ACOX1: variants seen among roughly 807,000 people sequenced by gnomAD.
The protein encoded by ACOX1 is peroxisomal acyl-coenzyme A oxidase 1.
In ACOX1, 41 loss-of-function variants were observed where a neutral mutation model predicts 75.5. That is an observed-to-expected ratio of 0.54 (90% CI 0.42 to 0.70). The LOEUF (loss-of-function observed/expected upper bound fraction) is 0.70. Among genes scored for constraint, ACOX1 ranks in the 30% least tolerant of loss-of-function variants. The probability of loss-of-function intolerance (pLI) is 0.00; values close to 1 mark genes in which losing one functional copy is unlikely to be tolerated. For missense variants in ACOX1, 630 were observed against 837.5 expected (o/e 0.75, Z 3.06); for synonymous variants, 303 against 298.8 (o/e 1.01, Z -0.15).
chr17:75,965,805 C>G (rs1409193925), intron 2 of ACOX1, among the ~76,000 whole-genome samples: 3 of 151,836 alleles, frequency 2.0e-5, no homozygotes, highest in Non-Finnish European at 4.4e-5. Context: ...TGCACTCCAG[C>G]CTGGGCAGCA....
Position 75,946,632 on chromosome 17 carries a change from A to C in ACOX1, c.*116T>G, listed in dbSNP as rs1196818814. The C allele has an allele frequency of 2.3e-6, 2 of 859,504 alleles. No homozygotes were observed. Among genetic ancestry groups the C allele is most frequent in the Non-Finnish European group, 3.8e-6 (2 of 522,590 alleles). 53.2% of individuals were successfully genotyped at this position (859,504 alleles called of 1,614,324 possible). A position where few individuals can be genotyped will look rare whatever the true frequency, so the allele number is the denominator to read the frequency against. ...TGTTCATTTTTTCCCTCCATTTATAAAAAGGGGTCAATTTATCATTTGCTC... is the reference window on the plus strand; with the variant it reads ...TGTTCATTTTTTCCCTCCATTTATACAAAGGGGTCAATTTATCATTTGCTC... On this transcript the variant is annotated 3_prime_UTR_variant, in exon 14 of 14. Coordinates refer to ENST00000293217, the MANE Select transcript of ACOX1 (RefSeq NM_004035.7).
In ACOX1 at chr17:75,979,110, G is replaced by A; in HGVS notation, c.-37C>T. On this transcript the variant is annotated 5_prime_UTR_variant, in exon 1 of 14. Transcript: ENST00000293217. ...GCTGGCAGCGAAGTAAGCACCGACC[G>A]AGGTGGCAGTGACAATCTAAATCCG... is the stretch of plus-strand genomic sequence containing the variant. The A allele has an allele frequency of 1.2e-6, 2 of 1,606,592 alleles. No individual in the cohort carries two copies. The highest frequency in any genetic ancestry group is 1.7e-6 in the Non-Finnish European group (2 of 1,179,776).
At chr17:75,965,337 C>CAAAAAAAAAACAAAAAAAAAA (rs2065921427) in intron 2 of ACOX1, among the ~76,000 whole-genome samples, 1 of 81,702 alleles carries the variant, frequency 1.2e-5, no homozygotes, top group Non-Finnish European at 2.6e-5. Flanking sequence ...GACTCTGTCT[C>CAAAAAAAAAACAAAAAAAAAA]AAAAAAAAAA....
In ACOX1 at chr17:75,978,730, A is replaced by G. The variant is rs2066083260; in HGVS notation, c.110-37T>C. 8 of 1,611,738 alleles carry G rather than the reference A, an allele frequency of 5.0e-6. No homozygotes were observed. The highest frequency in any genetic ancestry group is 6.8e-6 in the Non-Finnish European group (8 of 1,179,940). ...TTAAAGGGCATTAAAAGGCAGACAG[A>G]CACTCGGGCCTCCGTTCCACCCTCC... On this transcript the variant is annotated intron_variant, in intron 1 of 13. Transcript: ENST00000293217. The surrounding 1 kb of genome is among the most constrained non-coding windows in gnomAD (Gnocchi z 4.2).
Position 75,950,336 on chromosome 17 carries a change from C to G in ACOX1, c.1298+438G>C, listed in dbSNP as rs564940320. 6.6e-6 allele frequency among the ~76,000 whole-genome samples: 1 copy of G among 151,662 alleles called. No homozygotes were observed. Among genetic ancestry groups the G allele is most frequent in the Admixed American group, 6.6e-5 (1 of 15,222 alleles). On this transcript the variant is annotated intron_variant, in intron 9 of 13. Coordinates refer to ENST00000293217, the MANE Select transcript of ACOX1 (RefSeq NM_004035.7). This position sits in a 1 kb window ranked among gnomAD's most constrained non-coding sequence, Gnocchi z 4.3. ...TCTTGGCTCACTGCAACCTCCGCTT[C>G]CCAGGTTCAAGCGATTCTTCTGCCT... is the stretch of plus-strand genomic sequence containing the variant.
chr17:75,958,140 G>A (rs921896282), intron 3 of ACOX1, among the ~76,000 whole-genome samples: 1 of 151,878 alleles, frequency 6.6e-6, no homozygotes, highest in Non-Finnish European at 1.5e-5. Flanking sequence ...GGATCACGAG[G>A]TCAGGAGATC....
chr17:75,950,683 C>T lies in ACOX1; in HGVS notation c.1298+91G>A, dbSNP rs371899817. ...CCTTTCAGGAACAAATATATATATA[C>T]GGTGAAGAAAAACCATGGGAACAAG... On this transcript the variant is annotated intron_variant, in intron 9 of 13. Transcript: ENST00000293217. The surrounding 1 kb of genome is among the most constrained non-coding windows in gnomAD (Gnocchi z 4.3). The T allele has an allele frequency of 1.7e-4, 234 of 1,360,146 alleles. 1 individual carries two copies. The highest frequency in any genetic ancestry group is 4.9e-4 in the Admixed American group (28 of 57,646). The allele number at this position is 1,360,146 out of a possible 1,614,324, so 84.3% of individuals were successfully genotyped here. A position where few individuals can be genotyped will look rare whatever the true frequency, so the allele number is the denominator to read the frequency against.
rs77139740 is a variant in ACOX1 at position 75,949,559 on chromosome 17, A to G, written c.1520T>C (p.Ile507Thr). 1,821 of 1,614,186 alleles carry G rather than the reference A, an allele frequency of 1.1e-3. 20 individuals carry two copies. The African/African-American group carries it at 0.023, about 20-fold the overall frequency. The change falls in exon 11 of 14, where the codon ATT (isoleucine) becomes ACT (threonine). Residue 507 changes from isoleucine (I) to threonine (T), a missense_variant. Coordinates refer to ENST00000293217, the MANE Select transcript of ACOX1 (RefSeq NM_004035.7). Reference protein sequence around the residue: ...IAAKNLQKEVIHRKSKEVAWN... With the variant: ...IAAKNLQKEVTHRKSKEVAWN... ...AGCTACCTCCTTGCTTTTTCTGTGA[A>G]TCACTTCTTTTTGAAGGTTTTTTGC...
At chr17:75,974,039 G>A (rs1025335887) in intron 2 of ACOX1, among the ~76,000 whole-genome samples, 2 of 152,054 alleles carry the variant, frequency 1.3e-5, no homozygotes, top group Non-Finnish European at 2.9e-5. Flanking sequence ...AATCCACTAA[G>A]CAAATTCTAC....
At chr17:75,959,510 A>G (rs1274489683) in intron 3 of ACOX1, among the ~76,000 whole-genome samples, 1 of 152,190 alleles carries the variant, frequency 6.6e-6, no homozygotes, top group Non-Finnish European at 1.5e-5. Context: ...GAGAAGCCAT[A>G]AGCAAATGAA....
chr17:75,955,433 G>T, intron 6 of ACOX1, 133 bp downstream of exon 6: 1 of 794,666 alleles, frequency 1.3e-6, no homozygotes, highest in Non-Finnish European at 2.1e-6. Flanking sequence ...AAAGTGCTGG[G>T]ATAACAGGAA....
chr17:75,954,287 G>A lies in ACOX1; in HGVS notation c.775-667C>T, dbSNP rs558073411. Among the ~76,000 whole-genome samples the A allele has an allele frequency of 5.3e-5, 8 of 150,706 alleles. No homozygotes were observed. In the South Asian group the frequency reaches 1.5e-3, roughly 28 times the overall value. The stretch of plus-strand genomic sequence containing the variant: ...TGTAATCCTAGCACTTTGGGAGGCC[G>A]AGGCAAGAGGGTCCCCTGAGGTCAG... On this transcript the variant is annotated intron_variant, in intron 6 of 13. Transcript: ENST00000293217.
chr17:75,967,739 T>C (rs2065952023), intron 2 of ACOX1, among the ~76,000 whole-genome samples: 1 of 137,526 alleles, frequency 7.3e-6, no homozygotes, highest in Non-Finnish European at 1.6e-5. Context: ...TATATACACG[T>C]ATATATATAT....
chr17:75,973,922 G>C, intron 2 of ACOX1: 1 of 860,104 alleles, frequency 1.2e-6, no homozygotes, highest in Non-Finnish European at 1.8e-6. Context: ...TTAAATATAA[G>C]ATTTACCATT....
At position 75,960,609 on chromosome 17, in the gene ACOX1, C is replaced by T. The variant is rs1320427084; in HGVS notation, c.270-234G>A. 6.6e-6 allele frequency among the ~76,000 whole-genome samples: 1 copy of T among 152,136 alleles called. No individual in the cohort carries two copies. The highest frequency in any genetic ancestry group is 2.4e-5 in the African/African-American group (1 of 41,422). On this transcript the variant is annotated intron_variant, in intron 2 of 13. Coordinates refer to ENST00000293217, the MANE Select transcript of ACOX1 (RefSeq NM_004035.7). This position sits in a 1 kb window ranked among gnomAD's most constrained non-coding sequence, Gnocchi z 4.4. ...CGAGGACAGGGATTGGTTACTGATT[C>T]CAAAGCCAATGCAGCACAAAACCAC...
chr17:75,948,687 T>G (rs2065744996), intron 12 of ACOX1, among the ~76,000 whole-genome samples: 1 of 151,918 alleles, frequency 6.6e-6, no homozygotes, highest in Non-Finnish European at 1.5e-5. Context: ...CCCAAATAGC[T>G]GGAATTACAG....
intron 3 of ACOX1, among the ~76,000 whole-genome samples, chr17:75,959,043 A>G (rs1371179136): frequency 6.6e-6 from 1 of 152,176 alleles, no homozygotes; most frequent in Non-Finnish European, 1.5e-5. Flanking sequence ...ACACAAATAT[A>G]TCAAAATTAT....
chr17:75,955,662 G>T lies in ACOX1; in HGVS notation c.678C>A (p.Ile226=), dbSNP rs574074846. 6.2e-7 allele frequency: 1 copy of T among 1,613,968 alleles called. No homozygotes were observed. The highest frequency in any genetic ancestry group is 2.2e-5 in the East Asian group (1 of 44,892). The change falls in exon 6 of 14, where the codon ATC becomes ATA. Residue 226 remains isoleucine (I), a synonymous_variant. Coordinates refer to ENST00000293217, the MANE Select transcript of ACOX1 (RefSeq NM_004035.7). ...TCTCATCATAACCAAATTTGGGGCC[G>T]ATGTCACCAACGGTAATTCCTACCA... ...KPLPGITVGD[I]GPKFGYDEID... is the part of the protein sequence containing the mutation.
chr17:75,975,353 T>G (rs375259942), intron 2 of ACOX1, among the ~76,000 whole-genome samples: 2 of 152,028 alleles, frequency 1.3e-5, no homozygotes, highest in African/African-American at 2.4e-5. Context: ...GAAGGCGTTT[T>G]GCCATGTTGG....
Sources: gnomAD v4.1 joint callset for allele counts (sites outside exome capture counted in the v4.1 genomes callset) on GRCh38, gnomAD v4.1.1 for gene constraint, Gnocchi (gnomAD v3.1) non-coding constraint, MANE v1.5 for transcripts, NCBI Gene and HGNC (gene_info 2026-07-23, HGNC 2026-07-21) for gene names.